Variants in HIBCH observed in about 807,000 individuals in gnomAD.
HIBCH encodes the protein 3-hydroxyisobutyryl-CoA hydrolase.
In HIBCH, 50 loss-of-function variants were observed where a neutral mutation model predicts 58.2. The ratio of observed to expected loss-of-function variants is 0.86; its 90% CI spans 0.68 to 1.09. HIBCH has a LOEUF of 1.09. HIBCH is among the 50% of genes least tolerant of loss of function. The pLI, the probability that HIBCH is intolerant of heterozygous loss-of-function variation, is 0.00. For synonymous variants in HIBCH, 151 were observed against 146.9 expected (o/e 1.03, Z -0.20); for missense variants, 450 against 449.7 (o/e 1.00, Z -0.01).
intron 1 of HIBCH, among the ~76,000 whole-genome samples, chr2:190,316,392 G>A (rs1230869210): frequency 6.6e-6 from 1 of 151,996 alleles, no homozygotes; most frequent in East Asian, 1.9e-4. Context: ...CCAAAGTGCT[G>A]GCATTACAGA....
chr2:190,210,877 C>A lies in HIBCH; in HGVS notation c.1012-1964G>T, dbSNP rs1690499733. ...TCACTCAAAGAACATCTCAGTGAGG[C>A]CTTCTCTGGTCATCCCATCTACAAT... On this transcript the variant is annotated intron_variant, in intron 12 of 13. Transcript: ENST00000359678. The surrounding 1 kb of genome is among the most constrained non-coding windows in gnomAD (Gnocchi z 5.5). Among the ~76,000 whole-genome samples the A allele has an allele frequency of 2.0e-5, 3 of 152,178 alleles. No individual in the cohort carries two copies.
At chr2:190,311,813 A>G (rs1156551085) in intron 1 of HIBCH, among the ~76,000 whole-genome samples, 3 of 152,214 alleles carry the variant, frequency 2.0e-5, no homozygotes, top group Admixed American at 6.5e-5. Flanking sequence ...ACAAAAGGAG[A>G]GCAGGCTACA....
At position 190,306,788 on chromosome 2, in the gene HIBCH, A is replaced by C. The variant is rs1688419613; in HGVS notation, c.78+3966T>G. On this transcript the variant is annotated intron_variant, in intron 2 of 13. Transcript: ENST00000359678. This position sits in a 1 kb window ranked among gnomAD's most constrained non-coding sequence, Gnocchi z 4.6. ...TCCTAACCTCCAAGGTGATGGCATA[A>C]GAGTGGGACCTTTGAGAGGTAATTA... 6.6e-6 allele frequency among the ~76,000 whole-genome samples: 1 copy of C among 152,324 alleles called. No individual in the cohort carries two copies. Among genetic ancestry groups the C allele is most frequent in the Non-Finnish European group, 1.5e-5 (1 of 68,034 alleles).
rs1320683301 is a variant in HIBCH at position 190,206,895 on chromosome 2, G to A, written c.1046-1663C>T. ...AATCCCAGCACTTTGGGAGGCTGAG[G>A]TAGGCGGATTACGAGGTCAGGAGAT... On this transcript the variant is annotated intron_variant, in intron 13 of 13. Transcript: ENST00000359678. The surrounding 1 kb of genome is among the most constrained non-coding windows in gnomAD (Gnocchi z 5.1). 6.6e-6 allele frequency among the ~76,000 whole-genome samples: 1 copy of A among 152,136 alleles called. No homozygotes were observed. The highest frequency in any genetic ancestry group is 1.5e-5 in the Non-Finnish European group (1 of 68,016).
intron 11 of HIBCH, among the ~76,000 whole-genome samples, chr2:190,220,875 T>C (rs1326056093): frequency 6.6e-6 from 1 of 152,176 alleles, no homozygotes; most frequent in East Asian, 1.9e-4. Context: ...GAAGCTCCAA[T>C]TCCCTAACAG....
At chr2:190,240,504 TTTG>T (rs1414675507) in intron 11 of HIBCH, among the ~76,000 whole-genome samples, 1 of 152,184 alleles carries the variant, frequency 6.6e-6, no homozygotes, top group African/African-American at 2.4e-5. Flanking sequence ...TCAGTTCTGC[TTTG>T]TTATTTCCTG....
intron 1 of HIBCH, among the ~76,000 whole-genome samples, chr2:190,314,954 CT>C (rs564422020): frequency 2.7e-4 from 40 of 145,634 alleles, no homozygotes; most frequent in East Asian, 4.0e-4. Context: ...CTCTCCGCTC[CT>C]TTTTTTTTTT....
At position 190,216,873 on chromosome 2, in the gene HIBCH, C is replaced by T. The variant is rs2105905566; in HGVS notation, c.892-3798G>A. 6.6e-6 allele frequency among the ~76,000 whole-genome samples: 1 copy of T among 152,144 alleles called. No individual in the cohort carries two copies. Among genetic ancestry groups the T allele is most frequent in the East Asian group, 1.9e-4 (1 of 5,186 alleles). On this transcript the variant is annotated intron_variant, in intron 11 of 13. Transcript: ENST00000359678. The surrounding 1 kb of genome is among the most constrained non-coding windows in gnomAD (Gnocchi z 4.2). ...GAGGAGGAGGAAAAGCCACTAAGTC[C>T]CCTCCCAGAGCGGGACAAACCAGAG...
chr2:190,244,130 A>AATATAT (rs72093680), intron 11 of HIBCH, among the ~76,000 whole-genome samples: 2 of 150,074 alleles, frequency 1.3e-5, no homozygotes, highest in South Asian at 4.2e-4. Context: ...TGTGGAGCCT[A>AATATAT]ATATATATAT....
chr2:190,193,368 G>T (rs1215079735), intron 1 of HIBCH, among the ~76,000 whole-genome samples: 2 of 152,020 alleles, frequency 1.3e-5, no homozygotes, highest in Admixed American at 6.6e-5. Flanking sequence ...GTTCATGAGG[G>T]ATATTGGCCT....
At chr2:190,270,838 G>A (rs567064433) in intron 6 of HIBCH, among the ~76,000 whole-genome samples, 35 of 152,090 alleles carry the variant, frequency 2.3e-4, no homozygotes, top group Admixed American at 2.2e-3. Context: ...GGCTCATATT[G>A]CATCTTAATA....
intron 13 of HIBCH, 104 bp from the exon 14 acceptor site, chr2:190,205,336 A>G (rs918115814): frequency 4.3e-6 from 3 of 698,964 alleles, no homozygotes; most frequent in South Asian, 1.7e-5. Context: ...ACATTTTTCT[A>G]TCATACTTTT....
chr2:190,294,188 C>T (rs1418458439), intron 4 of HIBCH, among the ~76,000 whole-genome samples: 5 of 151,420 alleles, frequency 3.3e-5, no homozygotes. Context: ...TCAACATGGC[C>T]AGATAGTCAG....
intron 2 of HIBCH, among the ~76,000 whole-genome samples, chr2:190,298,608 AT>A (rs1209999733): frequency 6.6e-6 from 1 of 151,296 alleles, no homozygotes; most frequent in African/African-American, 2.4e-5. Flanking sequence ...TTTCTTGTAA[AT>A]TTAAGTTCCT....
At position 190,290,464 on chromosome 2, in the gene HIBCH, G is replaced by A; in HGVS notation, c.326C>T (p.Ala109Val). 6.2e-7 allele frequency: 1 copy of A among 1,609,764 alleles called. No individual in the cohort carries two copies. The highest frequency in any genetic ancestry group is 1.7e-5 in the Admixed American group (1 of 59,920). Residue 109 changes from alanine to valine, a missense_variant, in exon 5 of 14, where the codon GCA becomes GTA. Physicochemically the swap from Ala to Val is moderately conservative, Grantham distance 64 (BLOSUM62 0). Transcript: ENST00000359678. Reference sequence around the variant, plus strand: ...GAAAACTGGAGCTATCTTCTGTTTTGCCTTTTCAGCTTCCGAGATCACTAG... The same window carrying A: ...GAAAACTGGAGCTATCTTCTGTTTTACCTTTTCAGCTTCCGAGATCACTAG... ...DIRVISEAEKAKQKIAPVFFR... is the reference protein window; with the variant it reads ...DIRVISEAEKVKQKIAPVFFR...
Position 190,294,693 on chromosome 2 carries a change from T to C in HIBCH, c.220-63A>G, listed in dbSNP as rs1688059776. The C allele has an allele frequency of 5.0e-6, 5 of 1,005,742 alleles. No homozygotes were observed. The South Asian group carries it at 5.1e-5, about 10-fold the overall frequency. 62.3% of individuals were successfully genotyped at this position (1,005,742 alleles called of 1,614,324 possible). A position where few individuals can be genotyped will look rare whatever the true frequency, so the allele number is the denominator to read the frequency against. On this transcript the variant is annotated intron_variant, in intron 3 of 13. Coordinates refer to ENST00000359678, the MANE Select transcript of HIBCH (RefSeq NM_014362.4). ...TAAACACAAACTCATTAAAGTTATA[T>C]GCATATGCACATATATTCAATCATA...
intron 10 of HIBCH, among the ~76,000 whole-genome samples, chr2:190,245,799 G>C (rs1304480468): frequency 6.6e-6 from 1 of 152,100 alleles, no homozygotes; most frequent in Non-Finnish European, 1.5e-5. Context: ...AGACCAGCCT[G>C]GCCAACATGG....
intron 11 of HIBCH, among the ~76,000 whole-genome samples, chr2:190,235,054 G>C (rs1194045163): frequency 6.6e-6 from 1 of 152,164 alleles, no homozygotes; most frequent in African/African-American, 2.4e-5. Context: ...GAAGGGGGAT[G>C]AACTAGAAAT....
chr2:190,253,840 T>C (rs976823303), intron 7 of HIBCH, among the ~76,000 whole-genome samples: 1 of 152,144 alleles, frequency 6.6e-6, no homozygotes, highest in Non-Finnish European at 1.5e-5. Flanking sequence ...TCCCTAACAT[T>C]CTACACTCAT....
Sources: allele counts gnomAD v4.1 joint callset (sites outside exome capture counted in the v4.1 genomes callset), GRCh38; gene constraint gnomAD v4.1.1; non-coding constraint Gnocchi (gnomAD v3.1); transcripts MANE v1.5; gene names NCBI Gene and HGNC (gene_info 2026-07-23, HGNC 2026-07-21).